The following BCAS3 variants were observed in gnomAD, a reference collection of about 807,000 sequenced individuals.
The protein encoded by BCAS3 is BCAS3 microtubule associated cell migration factor.
A neutral mutation model predicts 116.1 loss-of-function variants in BCAS3; 53 were observed. The ratio of observed to expected loss-of-function variants is 0.46; its 90% CI spans 0.37 to 0.57. The LOEUF (loss-of-function observed/expected upper bound fraction) is 0.57. Ranked by LOEUF, BCAS3 falls within the 20% of genes least tolerant of loss-of-function variation. BCAS3 has a pLI of 0.00. For missense variants in BCAS3, 917 were observed against 1,165.4 expected (o/e 0.79, Z 3.10); for synonymous variants, 391 against 408.2 (o/e 0.96, Z 0.51).
intron 9 of BCAS3, chr17:60,886,982 G>A (rs1354927545): frequency 5.8e-5 from 9 of 156,030 alleles, no homozygotes; most frequent in African/African-American, 1.9e-4. Flanking sequence ...CCCAGTTGGA[G>A]CTTCCCGGCT....
chr17:61,218,929 T>C (rs2053178082), intron 22 of BCAS3, among the ~76,000 whole-genome samples: 1 of 152,206 alleles, frequency 6.6e-6, no homozygotes, highest in South Asian at 2.1e-4. Context: ...CTAAATGGAA[T>C]GATACCAGAA....
chr17:61,002,063 G>A (rs906159669), intron 15 of BCAS3, among the ~76,000 whole-genome samples: 7 of 152,048 alleles, frequency 4.6e-5, no homozygotes, highest in Non-Finnish European at 8.8e-5. Flanking sequence ...TGAGAGAAAG[G>A]TATAGATAAC....
At chr17:60,743,890 T>A (rs1485071162) in intron 5 of BCAS3, among the ~76,000 whole-genome samples, 1 of 152,194 alleles carries the variant, frequency 6.6e-6, no homozygotes, top group African/African-American at 2.4e-5. Context: ...CTTTTTTGGT[T>A]TGGTATGTAA....
intron 22 of BCAS3, among the ~76,000 whole-genome samples, chr17:61,187,525 T>TA (rs2079850990): frequency 6.6e-6 from 1 of 152,188 alleles, no homozygotes; most frequent in African/African-American, 2.4e-5. Context: ...TTTACCCCCT[T>TA]ACCTTCATAA....
In BCAS3 at chr17:61,130,089, A is replaced by G; in HGVS notation, c.2425+45525A>G. Among the ~76,000 whole-genome samples, 1 of 152,236 alleles carries G rather than the reference A, an allele frequency of 6.6e-6. No individual in the cohort carries two copies. Among genetic ancestry groups the G allele is most frequent in the East Asian group, 1.9e-4 (1 of 5,198 alleles). Reference sequence around the variant, plus strand: ...ACAGCTGGCAGGTCCAAGATAGAGCATATGGATGATGCTCTAATGACATCT... The same window carrying G: ...ACAGCTGGCAGGTCCAAGATAGAGCGTATGGATGATGCTCTAATGACATCT... On this transcript the variant is annotated intron_variant, in intron 22 of 23. Transcript: ENST00000407086. This position sits in a 1 kb window ranked among gnomAD's most constrained non-coding sequence, Gnocchi z 5.0.
rs569833187 is a variant in BCAS3 at position 61,020,820 on chromosome 17, T to C, written c.1637+4919T>C. On this transcript the variant is annotated intron_variant, in intron 16 of 23. Coordinates refer to ENST00000407086, the MANE Select transcript of BCAS3 (RefSeq NM_017679.5). The surrounding 1 kb of genome is among the most constrained non-coding windows in gnomAD (Gnocchi z 4.5). Reference sequence around the variant, plus strand: ...TAAAATTATTTATATTTCCAAATTATTTTATGGACACAAGCAGAGAACAGT... The same window carrying C: ...TAAAATTATTTATATTTCCAAATTACTTTATGGACACAAGCAGAGAACAGT... 6.6e-6 allele frequency among the ~76,000 whole-genome samples: 1 copy of C among 152,332 alleles called. No homozygotes were observed. Among genetic ancestry groups the C allele is most frequent in the Non-Finnish European group, 1.5e-5 (1 of 68,026 alleles).
chr17:60,853,521 A>G (rs1342519437), intron 7 of BCAS3, among the ~76,000 whole-genome samples: 1 of 152,170 alleles, frequency 6.6e-6, no homozygotes, highest in Non-Finnish European at 1.5e-5. Flanking sequence ...AACCTTTTTT[A>G]TTTTTACACA....
intron 22 of BCAS3, among the ~76,000 whole-genome samples, chr17:61,209,744 A>G (rs1457410637): frequency 1.3e-5 from 2 of 152,166 alleles, no homozygotes; most frequent in African/African-American, 4.8e-5. Context: ...GTTTGAAATT[A>G]GGACCTCAGG....
intron 12 of BCAS3, among the ~76,000 whole-genome samples, chr17:60,915,604 T>G (rs913854406): frequency 2.2e-5 from 3 of 137,206 alleles, no homozygotes; most frequent in Admixed American, 6.9e-5. Context: ...TATGTAATAT[T>G]TTAAGATGGA....
Position 61,023,787 on chromosome 17 carries a change from T to C in BCAS3, c.1637+7886T>C, listed in dbSNP as rs1320720532. Reference sequence around the variant, plus strand: ...GTGGCCTATATATAAGTCTGTAATATTTCTGGATTTTTAGTCTCTTGACCA... The same window carrying C: ...GTGGCCTATATATAAGTCTGTAATACTTCTGGATTTTTAGTCTCTTGACCA... On this transcript the variant is annotated intron_variant, in intron 16 of 23. Transcript: ENST00000407086. The surrounding 1 kb of genome is among the most constrained non-coding windows in gnomAD (Gnocchi z 4.8). Among the ~76,000 whole-genome samples, 1 of 152,136 alleles carries C rather than the reference T, an allele frequency of 6.6e-6. No homozygotes were observed. The highest frequency in any genetic ancestry group is 1.5e-5 in the Non-Finnish European group (1 of 68,010).
chr17:61,296,498 A>G (rs2052922983), intron 22 of BCAS3, among the ~76,000 whole-genome samples: 1 of 152,224 alleles, frequency 6.6e-6, no homozygotes, highest in Non-Finnish European at 1.5e-5. Context: ...ACGAAGGTAC[A>G]TGAAATAGAG....
At chr17:61,108,596 C>T (rs1466709550) in intron 22 of BCAS3, among the ~76,000 whole-genome samples, 2 of 111,096 alleles carry the variant, frequency 1.8e-5, no homozygotes, top group African/African-American at 6.6e-5. Context: ...CTTGATTTGT[C>T]TATAGTGGTT....
intron 15 of BCAS3, among the ~76,000 whole-genome samples, chr17:61,005,004 G>A (rs1243453740): frequency 6.6e-6 from 1 of 152,114 alleles, no homozygotes; most frequent in East Asian, 1.9e-4. Context: ...AAAATACCAT[G>A]ACAGTACTCA....
chr17:60,998,657 A>C (rs2064008574), intron 15 of BCAS3, among the ~76,000 whole-genome samples: 1 of 152,020 alleles, frequency 6.6e-6, no homozygotes, highest in Non-Finnish European at 1.5e-5. Context: ...GTTCATGTCT[A>C]AATGACCCTT....
rs1264510598 is a variant in BCAS3 at position 61,261,743 on chromosome 17, A to G, written c.2426-106584A>G. 1.3e-5 allele frequency among the ~76,000 whole-genome samples: 2 copies of G among 152,200 alleles called. No individual in the cohort carries two copies. The highest frequency in any genetic ancestry group is 2.9e-5 in the Non-Finnish European group (2 of 68,042). ...CTCACAACTCATATGAGGCTGTTTC[A>G]CTGTAGACTGAGATTGTCAAGACTT... On this transcript the variant is annotated intron_variant, in intron 22 of 23. Transcript: ENST00000407086. This position sits in a 1 kb window ranked among gnomAD's most constrained non-coding sequence, Gnocchi z 4.4.
intron 12 of BCAS3, among the ~76,000 whole-genome samples, chr17:60,920,482 T>C (rs1003098582): frequency 3.3e-5 from 5 of 151,996 alleles, no homozygotes; most frequent in African/African-American, 7.2e-5. Context: ...AACAAACATA[T>C]GGAAAAATGC....
At chr17:60,801,063 A>G (rs1468877061) in intron 6 of BCAS3, among the ~76,000 whole-genome samples, 1 of 152,088 alleles carries the variant, frequency 6.6e-6, no homozygotes, top group Non-Finnish European at 1.5e-5. Context: ...TTTCCATAAA[A>G]TTTTAGAATA....
rs930778617 is a variant in BCAS3 at position 61,364,219 on chromosome 17, G to T, written c.2426-4108G>T. On this transcript the variant is annotated intron_variant, in intron 22 of 23. Transcript: ENST00000407086. This position sits in a 1 kb window ranked among gnomAD's most constrained non-coding sequence, Gnocchi z 5.4. ...ATCTTCGCTCCTCAACTTCCTAGCTGTGCGCATGCGAAGAGAGAACAGACC... is the reference window on the plus strand; with the variant it reads ...ATCTTCGCTCCTCAACTTCCTAGCTTTGCGCATGCGAAGAGAGAACAGACC... 6.6e-6 allele frequency among the ~76,000 whole-genome samples: 1 copy of T among 152,190 alleles called. No homozygotes were observed. Among genetic ancestry groups the T allele is most frequent in the Non-Finnish European group, 1.5e-5 (1 of 68,040 alleles).
intron 1 of BCAS3, among the ~76,000 whole-genome samples, 194 bp downstream of exon 1, chr17:60,678,108 C>T (rs1220708437): frequency 6.6e-6 from 1 of 152,170 alleles, no homozygotes; most frequent in Admixed American, 6.5e-5. Flanking sequence ...GTTAAGTGGG[C>T]AGCGCCGTAC....
Sources: gnomAD v4.1 joint callset for allele counts (sites outside exome capture counted in the v4.1 genomes callset) on GRCh38, gnomAD v4.1.1 for gene constraint, Gnocchi (gnomAD v3.1) non-coding constraint, MANE v1.5 for transcripts, NCBI Gene and HGNC (gene_info 2026-07-23, HGNC 2026-07-21) for gene names.